Variants in LRRC8E observed in about 807,000 individuals in gnomAD.
LRRC8E encodes leucine rich repeat containing 8 VRAC subunit E, also known as volume-regulated anion channel subunit LRRC8E.
Under a neutral mutation model 6.1 loss-of-function variants are expected in LRRC8E, and 6 were observed. The ratio of observed to expected loss-of-function variants is 0.98; its 90% CI spans 0.54 to 1.93. The LOEUF is 1.93. Ranked by LOEUF, LRRC8E falls within the 30% of genes most tolerant of loss-of-function variation. The probability of loss-of-function intolerance (pLI) is 0.01; values close to 1 mark genes in which losing one functional copy is unlikely to be tolerated. For missense variants in LRRC8E, 1,028 were observed against 1,031.4 expected (o/e 1.00, Z 0.04); for synonymous variants, 485 against 472.8 (o/e 1.03, Z -0.33).
Position 7,898,684 on chromosome 19 carries a change from T to C in LRRC8E, c.162T>C (p.Cys54=), listed in dbSNP as rs1346655369. ...TLQVTQDKII[C]LPNHELQENL... ...AGGTGACACAGGACAAGATCATCTGTCTACCCAATCATGAGCTCCAGGAGA... is the reference window on the plus strand; with the variant it reads ...AGGTGACACAGGACAAGATCATCTGCCTACCCAATCATGAGCTCCAGGAGA... The change falls in exon 3 of 3, where the codon TGT becomes TGC. Residue 54 remains cysteine, a synonymous_variant. Coordinates refer to ENST00000306708, the MANE Select transcript of LRRC8E (RefSeq NM_025061.6). The C allele has an allele frequency of 1.2e-6, 2 of 1,610,464 alleles. No homozygotes were observed. Among genetic ancestry groups the C allele is most frequent in the African/African-American group, 1.3e-5 (1 of 74,838 alleles).
chr19:7,900,168 T>C lies in LRRC8E; in HGVS notation c.1646T>C (p.Val549Ala), dbSNP rs1340641501. Residue 549 changes from valine (V) to alanine (A), a missense_variant, in exon 3 of 3, where the codon GTG becomes GCG. Coordinates refer to ENST00000306708, the MANE Select transcript of LRRC8E (RefSeq NM_025061.6). The surrounding 1 kb of genome is among the most constrained non-coding windows in gnomAD (Gnocchi z 5.0). ...TCCCTCCGGAGCAACGCCGGGAAGG[T>C]GCCAGCCAGTGTGACCGACGTTGCT... ...VLSLRSNAGK[V>A]PASVTDVAGH... 6.2e-7 allele frequency: 1 copy of C among 1,612,836 alleles called. No homozygotes were observed. The highest frequency in any genetic ancestry group is 1.3e-5 in the African/African-American group (1 of 74,896).
chr19:7,891,526 T>G (rs910261183), intron 1 of LRRC8E, among the ~76,000 whole-genome samples: 130 of 143,268 alleles, frequency 9.1e-4, no homozygotes, highest in Non-Finnish European at 1.3e-3. Flanking sequence ...CCTGCTCGGG[T>G]GTGTGTGTGT....
intron 2 of LRRC8E, 92 bp from the exon 3 acceptor site, chr19:7,898,569 G>A (rs1006766004): frequency 2.6e-6 from 3 of 1,142,532 alleles, no homozygotes; most frequent in Non-Finnish European, 3.8e-6. Context: ...ACGTTGGCCA[G>A]GCTGGTCTCG....
chr19:7,893,144 T>C (rs1469873475), intron 1 of LRRC8E, among the ~76,000 whole-genome samples: 1 of 152,108 alleles, frequency 6.6e-6, no homozygotes, highest in Non-Finnish European at 1.5e-5. Context: ...GTAGCTGGGA[T>C]TACAGGCACC....
In LRRC8E at chr19:7,900,268, G is replaced by A. The variant is rs376958701; in HGVS notation, c.1746G>A (p.Ala582=). ...CCCTGAACAGCCTCAAGAAGCTGGC[G>A]GCATTGCGGGAGCTGGAGCTGGTGG... ...LVALNSLKKL[A]ALRELELVAC... Residue 582 remains alanine, a synonymous_variant, in exon 3 of 3, where the codon GCG becomes GCA. Coordinates refer to ENST00000306708, the MANE Select transcript of LRRC8E (RefSeq NM_025061.6). This position sits in a 1 kb window ranked among gnomAD's most constrained non-coding sequence, Gnocchi z 5.0. 37 of 1,613,276 alleles carry A rather than the reference G, an allele frequency of 2.3e-5. No homozygotes were observed. The highest frequency in any genetic ancestry group is 1.2e-4 in the Admixed American group (7 of 60,002).
At chr19:7,889,123 C>G (rs1237556737) in intron 1 of LRRC8E, among the ~76,000 whole-genome samples, 1 of 152,160 alleles carries the variant, frequency 6.6e-6, no homozygotes, top group Non-Finnish European at 1.5e-5. Context: ...GCCACCCTCC[C>G]CCACCCTAGA....
In LRRC8E at chr19:7,896,877, G is replaced by T. The variant is rs369464540; in HGVS notation, c.138+1136G>T. Among the ~76,000 whole-genome samples, 7 of 152,222 alleles carry T rather than the reference G, an allele frequency of 4.6e-5. 1 individual carries two copies. Among genetic ancestry groups the T allele is most frequent in the African/African-American group, 1.7e-4 (7 of 41,560 alleles). On this transcript the variant is annotated intron_variant, in intron 2 of 2. Transcript: ENST00000306708. ...CCCAAAGTGCTGGGATTACAGGTGT[G>T]AGCCACTGTGTCCAGCCCCATATTT...
chr19:7,889,797 C>T (rs963059336), intron 1 of LRRC8E, among the ~76,000 whole-genome samples: 4 of 150,636 alleles, frequency 2.7e-5, no homozygotes, highest in Non-Finnish European at 3.0e-5. Flanking sequence ...GTTGCCAGGC[C>T]GGAGCGCAGT....
intron 2 of LRRC8E, among the ~76,000 whole-genome samples, chr19:7,897,908 C>T (rs966719774): frequency 6.6e-6 from 1 of 152,040 alleles, no homozygotes; most frequent in Non-Finnish European, 1.5e-5. Context: ...AGCTCCTTTT[C>T]TCAGACAAAG....
In LRRC8E at chr19:7,901,086, GAGAC is replaced by G. The variant is rs1180710045; in HGVS notation, c.*180_*183del. 1.8e-6 allele frequency: 1 copy of G among 561,132 alleles called. No homozygotes were observed. 34.8% of individuals were successfully genotyped at this position (561,132 alleles called of 1,614,324 possible). A position where few individuals can be genotyped will look rare whatever the true frequency, so the allele number is the denominator to read the frequency against. On this transcript the variant is annotated 3_prime_UTR_variant, in exon 3 of 3. Coordinates refer to ENST00000306708, the MANE Select transcript of LRRC8E (RefSeq NM_025061.6). The stretch of plus-strand genomic sequence containing the variant: ...GAGGATCTGGGCTGGTTTGTCTGGG[GAGAC>G]AGACAGGATGTTGTGGAGCTGGGGT...
intron 1 of LRRC8E, among the ~76,000 whole-genome samples, chr19:7,891,802 G>A (rs1243484455): frequency 6.6e-6 from 1 of 151,994 alleles, no homozygotes; most frequent in Non-Finnish European, 1.5e-5. Context: ...TAGAGACGAG[G>A]TTTCACCATG....
chr19:7,893,370 A>T (rs951539624), intron 1 of LRRC8E, among the ~76,000 whole-genome samples: 1 of 151,554 alleles, frequency 6.6e-6, no homozygotes, highest in African/African-American at 2.4e-5. Flanking sequence ...CGAACTCCTA[A>T]CCTCAAGTGA....
Position 7,895,561 on chromosome 19 carries a change from G to GTC in LRRC8E, c.-5-30_-5-29dup. The GTC allele has an allele frequency of 6.3e-7, 1 of 1,594,428 alleles. No individual in the cohort carries two copies. Among genetic ancestry groups the GTC allele is most frequent in the Middle Eastern group, 1.7e-4 (1 of 5,992 alleles). The stretch of plus-strand genomic sequence containing the variant: ...CCCTGCAGAGCCTCCCATCCTGAGG[G>GTC]TCTCTCTCTACACCCCCCGTCTCGT... On this transcript the variant is annotated intron_variant, in intron 1 of 2. Coordinates refer to ENST00000306708, the MANE Select transcript of LRRC8E (RefSeq NM_025061.6). The surrounding 1 kb of genome is among the most constrained non-coding windows in gnomAD (Gnocchi z 4.7).
At chr19:7,889,270 G>A (rs1160233933) in intron 1 of LRRC8E, among the ~76,000 whole-genome samples, 1 of 151,486 alleles carries the variant, frequency 6.6e-6, no homozygotes, top group African/African-American at 2.4e-5. Context: ...TGGCTAACAC[G>A]GTGAAACCCC....
At chr19:7,896,602 TTAAAA>T (rs1451040320) in intron 2 of LRRC8E, among the ~76,000 whole-genome samples, 2 of 149,708 alleles carry the variant, frequency 1.3e-5, no homozygotes, top group Non-Finnish European at 3.0e-5. Flanking sequence ...TAATTGAAAA[TTAAAA>T]TAAAGAAACA....
intron 1 of LRRC8E, among the ~76,000 whole-genome samples, chr19:7,892,294 A>C (rs553223629): frequency 5.0e-4 from 76 of 151,480 alleles, no homozygotes; most frequent in African/African-American, 1.6e-3. Flanking sequence ...GGATGGTCTC[A>C]ATCTCCTGAC....
intron 2 of LRRC8E, among the ~76,000 whole-genome samples, chr19:7,897,822 C>T (rs1387856935): frequency 6.6e-6 from 1 of 152,032 alleles, no homozygotes; most frequent in African/African-American, 2.4e-5. Context: ...GCCGCCTGAC[C>T]CAGCTCAAAT....
intron 1 of LRRC8E, among the ~76,000 whole-genome samples, chr19:7,892,438 G>A (rs936065749): frequency 6.6e-6 from 1 of 152,080 alleles, no homozygotes; most frequent in African/African-American, 2.4e-5. Context: ...AAACTCCTGG[G>A]CTCAAGCAAT....
In LRRC8E at chr19:7,895,971, T is replaced by G. The variant is rs1981568105; in HGVS notation, c.138+230T>G. Among the ~76,000 whole-genome samples the G allele has an allele frequency of 6.6e-6, 1 of 152,144 alleles. No individual in the cohort carries two copies. Among genetic ancestry groups the G allele is most frequent in the South Asian group, 2.1e-4 (1 of 4,832 alleles). On this transcript the variant is annotated intron_variant, in intron 2 of 2. Transcript: ENST00000306708. The surrounding 1 kb of genome is among the most constrained non-coding windows in gnomAD (Gnocchi z 4.7). ...TTTCTTTTTTGAGACGGAGTCTCACTCTGTCACCCAGGCTAGAGTACAGTG... is the reference window on the plus strand; with the variant it reads ...TTTCTTTTTTGAGACGGAGTCTCACGCTGTCACCCAGGCTAGAGTACAGTG...
Sources: gnomAD v4.1 joint callset for allele counts (sites outside exome capture counted in the v4.1 genomes callset) on GRCh38, gnomAD v4.1.1 for gene constraint, Gnocchi (gnomAD v3.1) non-coding constraint, MANE v1.5 for transcripts, NCBI Gene and HGNC (gene_info 2026-07-23, HGNC 2026-07-21) for gene names.